The following USP42 variants were observed in gnomAD, a reference collection of about 807,000 sequenced individuals.
USP42 encodes ubiquitin carboxyl-terminal hydrolase 42.
USP42 carries 23 observed loss-of-function variants against 113.0 expected under a neutral mutation model. The ratio of observed to expected loss-of-function variants is 0.20; its 90% CI spans 0.15 to 0.29. The LOEUF is 0.29. Ranked by LOEUF, USP42 falls within the 10% of genes least tolerant of loss-of-function variation. The pLI is 1.00. For missense variants in USP42, 2,174 were observed against 1,779.8 expected (o/e 1.22, Z -3.99); for synonymous variants, 933 against 699.0 (o/e 1.33, Z -5.28).
In USP42 at chr7:6,159,825, T is replaced by C. The variant is rs1238011032; in HGVS notation, c.*36+332T>C. ...AGCCCACGGGCCTTTGATAAACATCTGGGAAGGGAGAGGCCCGGTCCCCAG... is the reference window on the plus strand; with the variant it reads ...AGCCCACGGGCCTTTGATAAACATCCGGGAAGGGAGAGGCCCGGTCCCCAG... On this transcript the variant is annotated intron_variant, in intron 17 of 17. Coordinates refer to ENST00000306177, the MANE Select transcript of USP42 (RefSeq NM_032172.3). This position sits in a 1 kb window ranked among gnomAD's most constrained non-coding sequence, Gnocchi z 4.1. Among the ~76,000 whole-genome samples, 1 of 152,214 alleles carries C rather than the reference T, an allele frequency of 6.6e-6. No individual in the cohort carries two copies. The highest frequency in any genetic ancestry group is 2.4e-5 in the African/African-American group (1 of 41,470).
chr7:6,149,538 C>G (rs1781913500), intron 12 of USP42, 45 bp from the exon 13 acceptor site: 1 of 1,558,234 alleles, frequency 6.4e-7, no homozygotes, highest in African/African-American at 1.4e-5. Flanking sequence ...GTTTGTGTGA[C>G]CATGTTTCTG....
In USP42 at chr7:6,153,919, G is replaced by C. The variant is rs780874083; in HGVS notation, c.2365G>C (p.Gly789Arg). 2.5e-6 allele frequency: 4 copies of C among 1,600,556 alleles called. No individual in the cohort carries two copies. The highest frequency in any genetic ancestry group is 3.4e-5 in the Admixed American group (2 of 58,374). ...TCCCGGCACCCCCGCTACCAAAGAA[G>C]GCGCCTGGGAGGCCATGGCCGTCGC... is the stretch of plus-strand genomic sequence containing the variant. ...RDPGTPATKE[G>R]AWEAMAVAPE... The change falls in exon 15 of 18, where the codon GGC (glycine) becomes CGC (arginine). Residue 789 changes from glycine to arginine, a missense_variant. Gly to Arg is a moderately radical substitution (Grantham distance 125). Transcript: ENST00000306177.
At chr7:6,151,569 C>T (rs1343310369) in intron 14 of USP42, among the ~76,000 whole-genome samples, 1 of 152,204 alleles carries the variant, frequency 6.6e-6, no homozygotes, top group Non-Finnish European at 1.5e-5. Context: ...TCCTGAGTAG[C>T]TGGGACTACA....
chr7:6,111,331 A>T lies in USP42; in HGVS notation c.198A>T (p.Ser66=). The T allele has an allele frequency of 1.9e-6, 3 of 1,611,010 alleles. No individual in the cohort carries two copies. Among genetic ancestry groups the T allele is most frequent in the East Asian group, 2.2e-5 (1 of 44,842 alleles). The change falls in exon 2 of 18, where the codon TCA becomes TCT. Residue 66 remains serine (S), a synonymous_variant. Coordinates refer to ENST00000306177, the MANE Select transcript of USP42 (RefSeq NM_032172.3). ...CTGGTGCTGTAGTTTATTCGAGTTC[A>T]TCTGTACCTGATAAATCAAAACCAT... ...PVPGAVVYSS[S]SVPDKSKPSP... is the part of the protein sequence containing the mutation.
At chr7:6,115,263 A>T (rs944737113) in intron 2 of USP42, 60 bp from the exon 3 acceptor site, 40 of 1,543,796 alleles carry the variant, frequency 2.6e-5, no homozygotes, top group Non-Finnish European at 3.6e-5. Flanking sequence ...AGGTGTTACT[A>T]TTTATTTAGC....
Position 6,161,436 on chromosome 7 carries a change from TAC to T in USP42, c.*920_*921del, listed in dbSNP as rs1431092056. The T allele has an allele frequency of 2.6e-5, 4 of 152,798 alleles. No individual in the cohort carries two copies. Among genetic ancestry groups the T allele is most frequent in the Admixed American group, 2.0e-4 (3 of 15,304 alleles). The allele number at this position is 152,798 out of a possible 1,614,324, so 9.5% of individuals were successfully genotyped here. A position where few individuals can be genotyped will look rare whatever the true frequency, so the allele number is the denominator to read the frequency against. ...GTATCTGAATAATCTGTATGGTTTA[TAC>T]AGTTTGTGTTGTTCAGAGATGTTTA... On this transcript the variant is annotated 3_prime_UTR_variant, in exon 18 of 18. Coordinates refer to ENST00000306177, the MANE Select transcript of USP42 (RefSeq NM_032172.3).
intron 3 of USP42, among the ~76,000 whole-genome samples, chr7:6,124,628 T>G (rs1780423573): frequency 6.6e-6 from 1 of 152,234 alleles, no homozygotes; most frequent in South Asian, 2.1e-4. Context: ...TAGTAGCCTC[T>G]GCCTTTTATT....
the USP42 span, among the ~76,000 whole-genome samples, chr7:6,093,712 C>CT: frequency 7.0e-6 from 1 of 142,584 alleles, no homozygotes; most frequent in Non-Finnish European, 1.5e-5. Flanking sequence ...CCCTTCTTTA[C>CT]TTTTTTGTGG....
chr7:6,154,521 C>T lies in USP42; in HGVS notation c.2967C>T (p.Asp989=). The T allele has an allele frequency of 7.8e-6, 12 of 1,540,704 alleles. No individual in the cohort carries two copies. The highest frequency in any genetic ancestry group is 8.7e-6 in the Non-Finnish European group (10 of 1,143,630). Residue 989 remains aspartate, a synonymous_variant, in exon 15 of 18, where the codon GAC becomes GAT. Coordinates refer to ENST00000306177, the MANE Select transcript of USP42 (RefSeq NM_032172.3). The part of the protein sequence containing the change: ...RRRRTCPRER[D]RQDRHAPEHH... The stretch of plus-strand genomic sequence containing the variant: ...GCCGCACCTGCCCCCGGGAGCGCGA[C>T]CGCCAGGACCGCCACGCCCCGGAGC...
rs1192658717 is a variant in USP42 at position 6,154,149 on chromosome 7, G to A, written c.2595G>A (p.Glu865=). The A allele has an allele frequency of 3.8e-6, 6 of 1,594,830 alleles. No individual in the cohort carries two copies. Among genetic ancestry groups the A allele is most frequent in the South Asian group, 1.1e-5 (1 of 90,420 alleles). The part of the protein sequence containing the change: ...LSPAPPARSE[E]PCEQPLLVHP... ...CGGCTCCGCCTGCGCGGTCGGAGGA[G>A]CCCTGCGAGCAGCCACTCCTTGTTC... Residue 865 remains glutamate, a synonymous_variant, in exon 15 of 18, where the codon GAG becomes GAA. Coordinates refer to ENST00000306177, the MANE Select transcript of USP42 (RefSeq NM_032172.3).
At chr7:6,114,331 A>T (rs1401551335) in intron 2 of USP42, among the ~76,000 whole-genome samples, 1 of 152,058 alleles carries the variant, frequency 6.6e-6, no homozygotes, top group African/African-American at 2.4e-5. Context: ...TATTGATTGT[A>T]TTATTTATTT....
Position 6,144,089 on chromosome 7 carries a change from A to G in USP42, c.883A>G (p.Lys295Glu). ...TTTGTTTCTGTTTGTTTCAAGGTGT[A>G]AAAAGATGGTTCCAGCTTCAAAGAG... ...GENSYKCSKC[K>E]KMVPASKRFT... The change falls in exon 9 of 18, where the codon AAA (lysine) becomes GAA (glutamate). Residue 295 changes from lysine (K) to glutamate (E), a missense_variant. Physicochemically the swap from Lys to Glu is moderately conservative, Grantham distance 56 (BLOSUM62 1). Transcript: ENST00000306177. 3 of 1,560,800 alleles carry G rather than the reference A, an allele frequency of 1.9e-6. No individual in the cohort carries two copies. Among genetic ancestry groups the G allele is most frequent in the Non-Finnish European group, 2.6e-6 (3 of 1,160,698 alleles).
intron 3 of USP42, among the ~76,000 whole-genome samples, chr7:6,122,553 C>G (rs1780287978): frequency 6.6e-6 from 1 of 151,504 alleles, no homozygotes; most frequent in African/African-American, 2.4e-5. Context: ...CAACTGCAAC[C>G]TGCGCCTCAT....
chr7:6,089,169 C>G, the USP42 span, among the ~76,000 whole-genome samples: 2 of 149,910 alleles, frequency 1.3e-5, no homozygotes, highest in Non-Finnish European at 2.9e-5. Context: ...CTCAGCCTCC[C>G]GAGTAGCTGG....
Position 6,159,455 on chromosome 7 carries a change from T to G in USP42, c.3949T>G (p.Ter1317GlyextTer28). 6.2e-7 allele frequency: 1 copy of G among 1,614,000 alleles called. No individual in the cohort carries two copies. The highest frequency in any genetic ancestry group is 8.5e-7 in the Non-Finnish European group (1 of 1,179,878). Residue 1317 changes from the stop codon to glycine, a stop_lost, in exon 17 of 18, where the codon TGA (stop) becomes GGA (glycine). Coordinates refer to ENST00000306177, the MANE Select transcript of USP42 (RefSeq NM_032172.3). This position sits in a 1 kb window ranked among gnomAD's most constrained non-coding sequence, Gnocchi z 4.1. ...TCCTGACCTTTGCTTTCTAGGTGAT[T>G]GAAAACTCAGCCTCAAAACAAAAAA... The part of the protein sequence containing the change: ...CRLFEYGQGD[*>G]
In USP42 at chr7:6,126,113, C is replaced by T. The variant is rs77659376; in HGVS notation, c.443-9728C>T. On this transcript the variant is annotated intron_variant, in intron 3 of 17. Coordinates refer to ENST00000306177, the MANE Select transcript of USP42 (RefSeq NM_032172.3). ...TTAACCTCTGGTGACCACTGATTCTCCATTTCTATGATTTTGTCATTTCAA... is the reference window on the plus strand; with the variant it reads ...TTAACCTCTGGTGACCACTGATTCTTCATTTCTATGATTTTGTCATTTCAA... Among the ~76,000 whole-genome samples the T allele has an allele frequency of 9.1e-3, 1,393 of 152,252 alleles. 47 individuals are homozygous for T. The highest frequency in any genetic ancestry group is 0.074 in the East Asian group (386 of 5,188).
the USP42 span, among the ~76,000 whole-genome samples, chr7:6,082,924 A>AAT: frequency 1.4e-5 from 2 of 145,590 alleles, no homozygotes; most frequent in African/African-American, 2.6e-5. Context: ...TATTAAATTA[A>AAT]ATATATATAG....
chr7:6,124,054 TTAG>T (rs1780387084), intron 3 of USP42, among the ~76,000 whole-genome samples: 1 of 152,004 alleles, frequency 6.6e-6, no homozygotes, highest in African/African-American at 2.4e-5. Flanking sequence ...TTTTGTATTT[TTAG>T]TAGTGATGGG....
chr7:6,093,116 C>G, the USP42 span: 7 of 149,898 alleles, frequency 4.7e-5, no homozygotes, highest in East Asian at 5.8e-4. Context: ...ACGGAAGGTA[C>G]TCTTTCTTCC....
Sources: allele counts gnomAD v4.1 joint callset (sites outside exome capture counted in the v4.1 genomes callset), GRCh38; gene constraint gnomAD v4.1.1; non-coding constraint Gnocchi (gnomAD v3.1); transcripts MANE v1.5; gene names NCBI Gene and HGNC (gene_info 2026-07-23, HGNC 2026-07-21).